TERF2: variants seen among roughly 807,000 people sequenced by gnomAD.
TERF2 encodes the protein telomeric repeat binding factor 2.
A neutral mutation model predicts 56.1 loss-of-function variants in TERF2; 16 were observed. The observed-to-expected ratio is 0.29, with a 90% CI of 0.19 to 0.43. The LOEUF (loss-of-function observed/expected upper bound fraction) is 0.43. Ranked by LOEUF, TERF2 falls within the 20% of genes least tolerant of loss-of-function variation. The pLI, the probability that TERF2 is intolerant of heterozygous loss-of-function variation, is 1.00. For missense variants in TERF2, 547 were observed against 712.9 expected (o/e 0.77, Z 2.65); for synonymous variants, 296 against 282.1 (o/e 1.05, Z -0.50).
At chr16:69,366,672 G>C (rs540700804) in intron 7 of TERF2, 135 bp downstream of exon 7, 118 of 1,217,934 alleles carry the variant, frequency 9.7e-5, no homozygotes, top group Non-Finnish European at 1.3e-4. Context: ...CCACTCCTGC[G>C]TCAAGTTCTA....
At chr16:69,383,343 C>T (rs929113723) in intron 3 of TERF2, among the ~76,000 whole-genome samples, 1 of 152,160 alleles carries the variant, frequency 6.6e-6, no homozygotes, top group Non-Finnish European at 1.5e-5. Context: ...AATCTGAAAT[C>T]CAAAATGCTT....
chr16:69,381,903 T>C (rs1340250132), intron 3 of TERF2, among the ~76,000 whole-genome samples: 1 of 152,192 alleles, frequency 6.6e-6, no homozygotes, highest in Admixed American at 6.5e-5. Context: ...TTTTTTTTAA[T>C]GGGAGTTCTG....
rs764800023 is a variant in TERF2, at chr16:69,370,527, A to G, written c.796T>C (p.Phe266Leu). Reference protein sequence around the residue: ...YETFQQKMLRFLESHLDDAEP... With the variant: ...YETFQQKMLRLLESHLDDAEP... ...GCGTCATCCAGGTGGCTCTCCAGGAAGCGCAGCATCTTCTGCTGGAAGGTC... is the reference window on the plus strand; with the variant it reads ...GCGTCATCCAGGTGGCTCTCCAGGAGGCGCAGCATCTTCTGCTGGAAGGTC... The change falls in exon 5 of 10, where the codon TTC becomes CTC. Residue 266 changes from phenylalanine (F) to leucine (L), a missense_variant. Physicochemically the swap from Phe to Leu is conservative, Grantham distance 22 (BLOSUM62 0). Coordinates refer to ENST00000254942, the MANE Select transcript of TERF2 (RefSeq NM_005652.5). 1 of 1,614,224 alleles carries G rather than the reference A, an allele frequency of 6.2e-7. No homozygotes were observed. The highest frequency in any genetic ancestry group is 8.5e-7 in the Non-Finnish European group (1 of 1,180,042).
intron 8 of TERF2, among the ~76,000 whole-genome samples, chr16:69,358,030 T>A (rs1405497405): frequency 6.6e-6 from 1 of 150,616 alleles, no homozygotes; most frequent in Non-Finnish European, 1.5e-5. Context: ...TTTGTTTGTT[T>A]GAGAAGGAGT....
chr16:69,378,546 C>T (rs1410923878), intron 3 of TERF2, among the ~76,000 whole-genome samples: 3 of 152,200 alleles, frequency 2.0e-5, no homozygotes, highest in African/African-American at 7.2e-5. Flanking sequence ...AAAGAGAAAG[C>T]TTCTCTTGGT....
At chr16:69,381,331 G>A (rs1435287863) in intron 3 of TERF2, among the ~76,000 whole-genome samples, 1 of 152,114 alleles carries the variant, frequency 6.6e-6, no homozygotes, top group Non-Finnish European at 1.5e-5. Context: ...GTGAACAACT[G>A]TAATTTGTCA....
At chr16:69,383,489 A>C (rs1204081069) in intron 3 of TERF2, among the ~76,000 whole-genome samples, 1 of 152,196 alleles carries the variant, frequency 6.6e-6, no homozygotes, top group African/African-American at 2.4e-5. Context: ...TCCCTTGATA[A>C]TGTCTATTCT....
At chr16:69,384,383 G>A (rs2014112295) in intron 3 of TERF2, among the ~76,000 whole-genome samples, 197 bp downstream of exon 3, 1 of 152,108 alleles carries the variant, frequency 6.6e-6, no homozygotes, top group African/African-American at 2.4e-5. Context: ...CAAAAACTGA[G>A]CAACTGCCAT....
intron 3 of TERF2, among the ~76,000 whole-genome samples, chr16:69,372,788 G>T (rs1280509468): frequency 6.6e-6 from 1 of 152,030 alleles, no homozygotes; most frequent in Non-Finnish European, 1.5e-5. Flanking sequence ...AACAATTATT[G>T]TTCAAGTGTT....
chr16:69,357,693 C>G, intron 8 of TERF2, 132 bp from the exon 9 acceptor site: 1 of 1,037,136 alleles, frequency 9.6e-7, no homozygotes, highest in South Asian at 1.6e-5. Flanking sequence ...GAAAGGATAT[C>G]ACTAAAGGAT....
At position 69,356,137 on chromosome 16, in the gene TERF2, C is replaced by CT. The variant is rs1275761634; in HGVS notation, c.*760dup. ...GTCATCAACCTGGGTTCATAACAGA[C>CT]TAAGTTCCTTTGCATTTGCATCAGA... is the stretch of plus-strand genomic sequence containing the variant. On this transcript the variant is annotated 3_prime_UTR_variant, in exon 10 of 10. Transcript: ENST00000254942. 1 of 446,212 alleles carries CT rather than the reference C, an allele frequency of 2.2e-6. No homozygotes were observed. The highest frequency in any genetic ancestry group is 4.5e-6 in the Non-Finnish European group (1 of 222,764). The allele number at this position is 446,212 out of a possible 1,614,324, so 27.6% of individuals were successfully genotyped here. A position where few individuals can be genotyped will look rare whatever the true frequency, so the allele number is the denominator to read the frequency against.
chr16:69,372,440 CATCAT>C, intron 3 of TERF2, 85 bp from the exon 4 acceptor site: 1 of 890,876 alleles, frequency 1.1e-6, no homozygotes, highest in Non-Finnish European at 1.7e-6. Flanking sequence ...CTCTCTCTCA[CATCAT>C]ATCAAATTTC....
intron 3 of TERF2, among the ~76,000 whole-genome samples, chr16:69,384,233 C>T (rs549541841): frequency 3.7e-4 from 56 of 152,294 alleles, no homozygotes; most frequent in Non-Finnish European, 6.8e-4. Flanking sequence ...AGTTTATCTC[C>T]TTGGTTTATT....
At chr16:69,380,895 G>T (rs1354155717) in intron 3 of TERF2, among the ~76,000 whole-genome samples, 1 of 148,164 alleles carries the variant, frequency 6.7e-6, no homozygotes, top group Non-Finnish European at 1.5e-5. Context: ...TCCTCCTCCC[G>T]GGTTCAAGCA....
intron 3 of TERF2, among the ~76,000 whole-genome samples, chr16:69,378,956 G>C (rs1052693967): frequency 6.6e-6 from 1 of 150,444 alleles, no homozygotes; most frequent in Non-Finnish European, 1.5e-5. Context: ...CCTGTGGGGG[G>C]GGGGAAATTA....
rs1345311616 is a variant in TERF2, at chr16:69,385,841, G to A, written c.131C>T (p.Ala44Val). ...GEGARRSDTM[A>V]GGGGSSDGSG... is the part of the protein sequence containing the mutation. ...GCCGTCGCTACTCCCGCCTCCTCCC[G>A]CCATCGTGTCCGATCGCCGCGCGCC... The change falls in exon 1 of 10, where the codon GCG becomes GTG. Residue 44 changes from alanine to valine, a missense_variant. Ala to Val is a moderately conservative substitution (Grantham distance 64, BLOSUM62 0). Transcript: ENST00000254942. 22 of 1,356,874 alleles carry A rather than the reference G, an allele frequency of 1.6e-5. No homozygotes were observed. Among genetic ancestry groups the A allele is most frequent in the African/African-American group, 3.0e-5 (2 of 66,016 alleles). 84.1% of individuals were successfully genotyped at this position (1,356,874 alleles called of 1,614,324 possible).
At chr16:69,384,505 TAAAGAG>T in intron 3 of TERF2, 69 bp downstream of exon 3, 1 of 1,505,198 alleles carries the variant, frequency 6.6e-7, no homozygotes, top group Admixed American at 2.0e-5. Context: ...CCCCACACAG[TAAAGAG>T]TAAGTGCTGT....
intron 4 of TERF2, among the ~76,000 whole-genome samples, chr16:69,370,969 G>A (rs1768973050): frequency 6.6e-6 from 1 of 150,496 alleles, no homozygotes; most frequent in African/African-American, 2.5e-5. Flanking sequence ...GAAGAATGGA[G>A]AAAATGGATC....
At chr16:69,378,105 A>G (rs1210667267) in intron 3 of TERF2, among the ~76,000 whole-genome samples, 1 of 152,194 alleles carries the variant, frequency 6.6e-6, no homozygotes, top group Non-Finnish European at 1.5e-5. Flanking sequence ...TGTTTTTATC[A>G]TGAACTAATG....
Sources: gnomAD v4.1 joint callset for allele counts (sites outside exome capture counted in the v4.1 genomes callset) on GRCh38, gnomAD v4.1.1 for gene constraint, MANE v1.5 for transcripts, NCBI Gene and HGNC (gene_info 2026-07-23, HGNC 2026-07-21) for gene names.